SYNDIG1L: variants seen among roughly 807,000 people sequenced by gnomAD.
SYNDIG1L encodes synapse differentiation inducing 1 like.
A neutral mutation model predicts 20.1 loss-of-function variants in SYNDIG1L; 13 were observed. The observed-to-expected ratio is 0.65, with a 90% CI of 0.42 to 1.03. The LOEUF (loss-of-function observed/expected upper bound fraction) is 1.03, where lower values mean the gene tolerates loss of function less well. Among genes scored for constraint, SYNDIG1L ranks in the 50% least tolerant of loss-of-function variants. SYNDIG1L has a pLI of 0.00. For missense variants in SYNDIG1L, 294 were observed against 305.1 expected (o/e 0.96, Z 0.27); for synonymous variants, 128 against 129.3 (o/e 0.99, Z 0.07).
At chr14:74,444,926 TTTAA>T in the SYNDIG1L span, among the ~76,000 whole-genome samples, 1 of 152,350 alleles carries the variant, frequency 6.6e-6, no homozygotes, top group Non-Finnish European at 1.5e-5. Flanking sequence ...CAGTATATTC[TTTAA>T]TTAATCAGCA....
At chr14:74,445,730 G>A in the SYNDIG1L span, among the ~76,000 whole-genome samples, 1 of 152,240 alleles carries the variant, frequency 6.6e-6, no homozygotes, top group East Asian at 1.9e-4. Context: ...GCCTGCCTTG[G>A]CCTCCCAAAG....
the SYNDIG1L span, among the ~76,000 whole-genome samples, chr14:74,458,423 C>T: frequency 2.0e-5 from 3 of 151,140 alleles, no homozygotes; most frequent in African/African-American, 7.3e-5. Context: ...TCAAAACCAG[C>T]CTGGCCAACA....
At chr14:74,435,014 C>T in the SYNDIG1L span, among the ~76,000 whole-genome samples, 3 of 134,328 alleles carry the variant, frequency 2.2e-5, no homozygotes, top group Non-Finnish European at 3.0e-5. Context: ...ACCCAGGAGA[C>T]GGAGCTTGCA....
the SYNDIG1L span, among the ~76,000 whole-genome samples, chr14:74,468,826 T>A: frequency 6.6e-6 from 1 of 152,180 alleles, no homozygotes; most frequent in Non-Finnish European, 1.5e-5. Flanking sequence ...CCACCCTCAA[T>A]GTCCTACCCT....
the SYNDIG1L span, chr14:74,476,584 T>C: frequency 2.6e-6 from 4 of 1,535,398 alleles, no homozygotes; most frequent in Non-Finnish European, 3.5e-6. Flanking sequence ...AGAACAGGCA[T>C]GGGAACATCT....
chr14:74,432,180 TGA>T, the SYNDIG1L span, among the ~76,000 whole-genome samples: 153 of 124,136 alleles, frequency 1.2e-3, no homozygotes, highest in African/African-American at 2.4e-3. Flanking sequence ...TGTGTGTGTG[TGA>T]GAGAGAGAGA....
chr14:74,439,605 G>A, the SYNDIG1L span, among the ~76,000 whole-genome samples: 1 of 152,318 alleles, frequency 6.6e-6, no homozygotes, highest in South Asian at 2.1e-4. Context: ...AGTAGGCCAG[G>A]CGCAGTGGCT....
At chr14:74,419,235 C>T (rs1306027411) in intron 1 of SYNDIG1L, among the ~76,000 whole-genome samples, 1 of 152,214 alleles carries the variant, frequency 6.6e-6, no homozygotes, top group Admixed American at 6.5e-5. Flanking sequence ...CTCCTTGCCT[C>T]AAAGTGCTTA....
At chr14:74,470,930 T>C in the SYNDIG1L span, among the ~76,000 whole-genome samples, 1 of 152,196 alleles carries the variant, frequency 6.6e-6, no homozygotes, top group African/African-American at 2.4e-5. Flanking sequence ...AGGGGTTCCC[T>C]GGGCCGGACA....
intron 2 of SYNDIG1L, among the ~76,000 whole-genome samples, chr14:74,409,002 G>C (rs1231203203): frequency 6.6e-6 from 1 of 151,936 alleles, no homozygotes; most frequent in African/African-American, 2.4e-5. Context: ...CCTAATCCAG[G>C]CCTCTTAGAT....
the SYNDIG1L span, among the ~76,000 whole-genome samples, chr14:74,463,483 A>G: frequency 6.6e-6 from 1 of 152,182 alleles, no homozygotes; most frequent in East Asian, 1.9e-4. Flanking sequence ...AGCCCCATAG[A>G]CTGTCTCATG....
At chr14:74,438,287 T>G in the SYNDIG1L span, among the ~76,000 whole-genome samples, 1 of 152,308 alleles carries the variant, frequency 6.6e-6, no homozygotes, top group South Asian at 2.1e-4. Context: ...AAAAAAACTT[T>G]TGGTTTCAGA....
the SYNDIG1L span, among the ~76,000 whole-genome samples, chr14:74,458,047 G>A: frequency 2.6e-5 from 4 of 151,906 alleles, no homozygotes; most frequent in African/African-American, 9.7e-5. Flanking sequence ...TGATCCTCCC[G>A]CCTCGACCTC....
chr14:74,443,149 T>A, the SYNDIG1L span, among the ~76,000 whole-genome samples: 1 of 152,174 alleles, frequency 6.6e-6, no homozygotes, highest in Non-Finnish European at 1.5e-5. Context: ...GGCTTGAGTC[T>A]CAACCTCCTA....
chr14:74,454,461 G>GT, the SYNDIG1L span, among the ~76,000 whole-genome samples: 3 of 152,216 alleles, frequency 2.0e-5, no homozygotes, highest in African/African-American at 7.2e-5. Flanking sequence ...GGTATGCAGT[G>GT]TAAGAGCAGC....
At position 74,406,253 on chromosome 14, in the gene SYNDIG1L, G is replaced by A; in HGVS notation, c.*1282C>T. 2.5e-6 allele frequency: 1 copy of A among 396,792 alleles called. No homozygotes were observed. The highest frequency in any genetic ancestry group is 4.4e-6 in the Non-Finnish European group (1 of 225,484). The allele number at this position is 396,792 out of a possible 1,614,324, so 24.6% of individuals were successfully genotyped here. ...AGTGAAGATGCCCCAGGGGTAACCAGGTACCCACCACTGACCCCCTAGCAT... is the reference window on the plus strand; with the variant it reads ...AGTGAAGATGCCCCAGGGGTAACCAAGTACCCACCACTGACCCCCTAGCAT... On this transcript the variant is annotated 3_prime_UTR_variant, in exon 4 of 4. Transcript: ENST00000331628.
chr14:74,435,662 A>G, the SYNDIG1L span, among the ~76,000 whole-genome samples: 1 of 152,246 alleles, frequency 6.6e-6, no homozygotes, highest in Non-Finnish European at 1.5e-5. Context: ...TTTTGTAGGT[A>G]GAAAGTCAGC....
chr14:74,453,519 T>C, the SYNDIG1L span, among the ~76,000 whole-genome samples: 17 of 152,180 alleles, frequency 1.1e-4, no homozygotes, highest in Non-Finnish European at 2.4e-4. Context: ...TTTGTTATTA[T>C]GGTGATAGTT....
At chr14:74,432,831 G>C in the SYNDIG1L span, among the ~76,000 whole-genome samples, 1 of 151,912 alleles carries the variant, frequency 6.6e-6, no homozygotes, top group Admixed American at 6.6e-5. Context: ...TCCAGCCTGG[G>C]GGACAGAGGG....
Sources: gnomAD v4.1 joint callset for allele counts (sites outside exome capture counted in the v4.1 genomes callset) on GRCh38, gnomAD v4.1.1 for gene constraint, MANE v1.5 for transcripts, NCBI Gene and HGNC (gene_info 2026-07-23, HGNC 2026-07-21) for gene names.